Variants in VWA2 observed in about 807,000 individuals in gnomAD.
VWA2 encodes von Willebrand factor A domain containing 2.
A neutral mutation model predicts 70.4 loss-of-function variants in VWA2; 73 were observed. The observed-to-expected ratio is 1.04, with a 90% CI of 0.86 to 1.26. The LOEUF is 1.26. Ranked by LOEUF, VWA2 falls within the 50% of genes most tolerant of loss-of-function variation. The probability of loss-of-function intolerance (pLI) is 0.00; values close to 1 mark genes in which losing one functional copy is unlikely to be tolerated. For missense variants in VWA2, 1,011 were observed against 998.5 expected, an observed-to-expected ratio of 1.01 and a Z score of -0.17; for synonymous variants, 407 against 423.3, an observed-to-expected ratio of 0.96 and a Z score of 0.47.
intron 9 of VWA2, among the ~76,000 whole-genome samples, chr10:114,283,065 G>A (rs1453518061): frequency 6.6e-6 from 1 of 152,146 alleles, no homozygotes; most frequent in African/African-American, 2.4e-5. Context: ...AGGAATCATC[G>A]ATGCCATTAT....
intron 13 of VWA2, 98 bp downstream of exon 13, chr10:114,290,463 C>T: frequency 7.4e-6 from 11 of 1,476,596 alleles, no homozygotes; most frequent in African/African-American, 1.4e-5. Flanking sequence ...CTAAAACATT[C>T]GTTCAGTGGA....
intron 10 of VWA2, 146 bp from the exon 11 acceptor site, chr10:114,285,793 G>C: frequency 2.4e-6 from 2 of 846,846 alleles, no homozygotes; most frequent in Non-Finnish European, 3.5e-6. Flanking sequence ...CTCTAACTCT[G>C]TGACGAGCAC....
intron 8 of VWA2, 62 bp downstream of exon 8, chr10:114,278,913 G>A (rs767346219): frequency 2.1e-5 from 34 of 1,601,406 alleles, no homozygotes; most frequent in South Asian, 4.4e-5. Context: ...CCTGAGCTGC[G>A]GGGAGGATAG....
rs959278258 is a variant in VWA2 at position 114,285,971 on chromosome 10, C to T, written c.1030C>T (p.Leu344Phe). 1 of 1,608,804 alleles carries T rather than the reference C, an allele frequency of 6.2e-7. No homozygotes were observed. Among genetic ancestry groups the T allele is most frequent in the Non-Finnish European group, 8.5e-7 (1 of 1,176,306 alleles). The change falls in exon 11 of 14, where the codon CTC (leucine) becomes TTC (phenylalanine). Residue 344 changes from leucine (L) to phenylalanine (F), a missense_variant. Leu to Phe is a conservative substitution (Grantham distance 22). Transcript: ENST00000392982. The stretch of plus-strand genomic sequence containing the variant: ...GCTGAGCCTGGAATGCAGGGTCGAC[C>T]TCCTCTTCCTGCTGGACAGCTCTGC... ...LKLSLECRVD[L>F]LFLLDSSAGT...
At chr10:114,247,588 C>T (rs1001696070) in intron 1 of VWA2, among the ~76,000 whole-genome samples, 8 of 151,900 alleles carry the variant, frequency 5.3e-5, no homozygotes, top group African/African-American at 4.8e-5. Flanking sequence ...CAAGAGCCAC[C>T]GCGAAGGGCT....
intron 5 of VWA2, among the ~76,000 whole-genome samples, chr10:114,266,674 G>T (rs535335248): frequency 6.6e-6 from 1 of 152,306 alleles, no homozygotes; most frequent in South Asian, 2.1e-4. Flanking sequence ...GTTCCTGAAT[G>T]CACAGAGCTC....
At chr10:114,279,292 A>G (rs1021466921) in intron 8 of VWA2, among the ~76,000 whole-genome samples, 8 of 152,182 alleles carry the variant, frequency 5.3e-5, no homozygotes, top group Non-Finnish European at 1.0e-4. Flanking sequence ...ATTGGAGCCC[A>G]GGCACCCAAG....
chr10:114,253,969 G>A (rs1401769430), intron 3 of VWA2, among the ~76,000 whole-genome samples: 2 of 151,936 alleles, frequency 1.3e-5, no homozygotes, highest in Non-Finnish European at 2.9e-5. Context: ...TTGAACCCAG[G>A]AGGTGGAGGT....
At chr10:114,289,873 T>A in intron 12 of VWA2, 1 of 334,864 alleles carries the variant, frequency 3.0e-6, no homozygotes. Flanking sequence ...TCCAGTGACC[T>A]CCTCTTCACC....
At chr10:114,275,945 T>C (rs188277552) in intron 6 of VWA2, among the ~76,000 whole-genome samples, 236 of 152,024 alleles carry the variant, frequency 1.6e-3, no homozygotes, top group Non-Finnish European at 2.8e-3. Flanking sequence ...AAAAATAAAT[T>C]AATTAGGGGA....
chr10:114,256,924 A>T (rs1368965042), intron 4 of VWA2, among the ~76,000 whole-genome samples: 1 of 151,682 alleles, frequency 6.6e-6, no homozygotes, highest in African/African-American at 2.4e-5. Context: ...AAAAAAAAAA[A>T]AAAAAAAATT....
In VWA2 at chr10:114,284,947, C is replaced by G; in HGVS notation, c.974C>G (p.Ala325Gly). Reference sequence around the variant, plus strand: ...GGCTACCAGTGCCTCTGCCCGCTGGCCTTTGGAGGGGAGGCTAACTGTGGT... The same window carrying G: ...GGCTACCAGTGCCTCTGCCCGCTGGGCTTTGGAGGGGAGGCTAACTGTGGT... ...LDGYQCLCPL[A>G]FGGEANCALK... Residue 325 changes from alanine (A) to glycine (G), a missense_variant, in exon 10 of 14, where the codon GCC becomes GGC. Physicochemically the swap from Ala to Gly is moderately conservative, Grantham distance 60 (BLOSUM62 0). Transcript: ENST00000392982. 1 of 1,602,444 alleles carries G rather than the reference C, an allele frequency of 6.2e-7. No individual in the cohort carries two copies. The highest frequency in any genetic ancestry group is 8.5e-7 in the Non-Finnish European group (1 of 1,175,548).
At chr10:114,285,141 G>A (rs986782679) in intron 10 of VWA2, among the ~76,000 whole-genome samples, 171 bp downstream of exon 10, 2 of 152,204 alleles carry the variant, frequency 1.3e-5, no homozygotes, top group South Asian at 2.1e-4. Flanking sequence ...TCAGTGCTCC[G>A]TGAGTAGATA....
chr10:114,242,867 G>A (rs967058172), intron 1 of VWA2, among the ~76,000 whole-genome samples: 2 of 152,228 alleles, frequency 1.3e-5, no homozygotes, highest in African/African-American at 4.8e-5. Context: ...CTATTTAGCA[G>A]AGACTTTTCT....
At chr10:114,279,930 G>T (rs968032518) in intron 8 of VWA2, among the ~76,000 whole-genome samples, 6 of 152,230 alleles carry the variant, frequency 3.9e-5, no homozygotes, top group Non-Finnish European at 8.8e-5. Context: ...AACTGTGGCA[G>T]TGGGCAAGGC....
chr10:114,281,375 G>A (rs2038100588), intron 8 of VWA2: 1 of 152,352 alleles, frequency 6.6e-6, no homozygotes, highest in Non-Finnish European at 1.5e-5. Context: ...GGTAGAGTGG[G>A]GGGATTTGGA....
At chr10:114,255,787 A>G (rs1468767163) in intron 4 of VWA2, among the ~76,000 whole-genome samples, 3 of 151,814 alleles carry the variant, frequency 2.0e-5, no homozygotes, top group Non-Finnish European at 4.4e-5. Context: ...TTTTTTAACA[A>G]TCCAATAGAA....
chr10:114,264,109 T>C (rs2037508010), intron 5 of VWA2, among the ~76,000 whole-genome samples: 1 of 152,210 alleles, frequency 6.6e-6, no homozygotes, highest in Non-Finnish European at 1.5e-5. Context: ...TTCCTCAAAA[T>C]GTTAAACATA....
rs143291272 is a variant in VWA2 at position 114,265,052 on chromosome 10, G to A, written c.371+3757G>A. Among the ~76,000 whole-genome samples the A allele has an allele frequency of 5.9e-5, 9 of 152,340 alleles. No homozygotes were observed. In the East Asian group the frequency reaches 1.7e-3, roughly 29 times the overall value. Reference sequence around the variant, plus strand: ...TACTTTTTGTGAAGTGTCTAGAATAGGCAAATACATGAAGATAAAAAGTGG... The same window carrying A: ...TACTTTTTGTGAAGTGTCTAGAATAAGCAAATACATGAAGATAAAAAGTGG... On this transcript the variant is annotated intron_variant, in intron 5 of 13. Coordinates refer to ENST00000392982, the MANE Select transcript of VWA2 (RefSeq NM_001272046.2).
Sources: allele counts gnomAD v4.1 joint callset (sites outside exome capture counted in the v4.1 genomes callset), GRCh38; gene constraint gnomAD v4.1.1; transcripts MANE v1.5; gene names NCBI Gene and HGNC (gene_info 2026-07-23, HGNC 2026-07-21).